CNTNAP5: variants seen among roughly 807,000 people sequenced by gnomAD.
CNTNAP5 encodes contactin associated protein family member 5.
A neutral mutation model predicts 150.2 loss-of-function variants in CNTNAP5; 72 were observed. That is an observed-to-expected ratio of 0.48 (90% confidence interval 0.40 to 0.58). The LOEUF (loss-of-function observed/expected upper bound fraction) is 0.58. Among genes scored for constraint, CNTNAP5 ranks in the 20% least tolerant of loss-of-function variants. CNTNAP5 has a pLI of 0.00. For synonymous variants in CNTNAP5, 672 were observed against 619.8 expected, an observed-to-expected ratio of 1.08 and a Z score of -1.25; for missense variants, 1,636 against 1,626.2, an observed-to-expected ratio of 1.01 and a Z score of -0.10.
At chr2:124,362,994 C>G (rs1222935392) in intron 3 of CNTNAP5, among the ~76,000 whole-genome samples, 1 of 151,962 alleles carries the variant, frequency 6.6e-6, no homozygotes, top group Non-Finnish European at 1.5e-5. Flanking sequence ...CAAGATACAG[C>G]AAAAAAGCAT....
At chr2:124,647,618 C>A (rs574325380) in intron 12 of CNTNAP5, 140 bp from the exon 13 acceptor site, 37 of 690,718 alleles carry the variant, frequency 5.4e-5, no homozygotes, top group East Asian at 2.3e-4. Flanking sequence ...TGGGGAAACA[C>A]AATTTCTCTG....
intron 12 of CNTNAP5, among the ~76,000 whole-genome samples, chr2:124,635,282 A>G (rs1258976418): frequency 2.0e-5 from 3 of 152,172 alleles, no homozygotes; most frequent in Admixed American, 2.0e-4. Flanking sequence ...TTAAACAACC[A>G]GATCCCATGA....
intron 14 of CNTNAP5, among the ~76,000 whole-genome samples, chr2:124,763,205 G>A (rs1184921017): frequency 2.0e-5 from 3 of 152,002 alleles, no homozygotes; most frequent in Non-Finnish European, 2.9e-5. Flanking sequence ...GTTAAAAGGT[G>A]GTTAAAAAAA....
chr2:124,304,605 A>C (rs1478157342), intron 3 of CNTNAP5, among the ~76,000 whole-genome samples: 1 of 152,164 alleles, frequency 6.6e-6, no homozygotes. Flanking sequence ...CCTTTAAAAA[A>C]ATAACATTCT....
At chr2:124,904,765 T>C (rs776894986) in intron 22 of CNTNAP5, among the ~76,000 whole-genome samples, 2 of 151,986 alleles carry the variant, frequency 1.3e-5, no homozygotes, top group Non-Finnish European at 2.9e-5. Flanking sequence ...CCTGAGACTG[T>C]AAACTCCAGG....
chr2:124,673,499 C>T (rs1279766534), intron 13 of CNTNAP5, among the ~76,000 whole-genome samples: 5 of 150,132 alleles, frequency 3.3e-5, no homozygotes, highest in Admixed American at 6.6e-5. Flanking sequence ...AGATAACTTA[C>T]GTTTCTTGAA....
chr2:124,821,851 G>A (rs775432844), intron 19 of CNTNAP5, among the ~76,000 whole-genome samples: 14 of 152,188 alleles, frequency 9.2e-5, no homozygotes, highest in East Asian at 1.9e-4. Flanking sequence ...TGTGTTTTAC[G>A]CAGTCCTCCA....
rs199857989 is a variant in CNTNAP5 at position 124,917,119 on chromosome 2, T to C, written c.*2831T>C. ...AGCATCTTAATCTCTCTTTAACCAT[T>C]TTTTTTTTCTTTTTCCTACCACATT... is the stretch of plus-strand genomic sequence containing the variant. On this transcript the variant is annotated 3_prime_UTR_variant, in exon 24 of 24. Coordinates refer to ENST00000682447, the MANE Select transcript of CNTNAP5 (RefSeq NM_001367498.1). 3.9e-4 allele frequency among the ~76,000 whole-genome samples: 59 copies of C among 151,462 alleles called. No individual in the cohort carries two copies. The East Asian group carries it at 0.011, about 29-fold the overall frequency.
chr2:124,486,982 GT>G (rs1475776192), intron 7 of CNTNAP5, among the ~76,000 whole-genome samples: 1 of 152,116 alleles, frequency 6.6e-6, no homozygotes, highest in Non-Finnish European at 1.5e-5. Context: ...CCTAAAAATT[GT>G]TTTACATAGC....
chr2:124,087,230 A>C (rs1462109874), intron 1 of CNTNAP5, among the ~76,000 whole-genome samples: 2 of 151,874 alleles, frequency 1.3e-5, no homozygotes, highest in African/African-American at 2.4e-5. Context: ...CTCAAGACAA[A>C]AACGAAAGCT....
At chr2:124,334,178 A>G (rs1352525214) in intron 3 of CNTNAP5, among the ~76,000 whole-genome samples, 1 of 152,106 alleles carries the variant, frequency 6.6e-6, no homozygotes, top group East Asian at 1.9e-4. Context: ...CTGGATTGCT[A>G]AAGGCCTATT....
chr2:124,713,231 CTTTCTT>C (rs1440179078), intron 13 of CNTNAP5, among the ~76,000 whole-genome samples: 21 of 37,618 alleles, frequency 5.6e-4, no homozygotes, highest in African/African-American at 1.9e-3. Flanking sequence ...TTCTTTCTTT[CTTTCTT>C]TCTTTCTCTT....
intron 12 of CNTNAP5, among the ~76,000 whole-genome samples, chr2:124,625,874 A>C (rs1558709432): frequency 6.6e-6 from 1 of 152,194 alleles, no homozygotes; most frequent in African/African-American, 2.4e-5. Flanking sequence ...TAGCTAGGCC[A>C]TTTTATTTAT....
chr2:124,891,020 A>G (rs930801731), intron 21 of CNTNAP5, among the ~76,000 whole-genome samples: 2 of 152,150 alleles, frequency 1.3e-5, no homozygotes, highest in African/African-American at 2.4e-5. Flanking sequence ...GGTAGAATCT[A>G]TTGTGGTGTA....
intron 21 of CNTNAP5, among the ~76,000 whole-genome samples, chr2:124,896,368 C>T (rs1346363284): frequency 6.6e-6 from 1 of 151,326 alleles, no homozygotes; most frequent in Admixed American, 6.6e-5. Flanking sequence ...ATTTATTTTA[C>T]TAATATTGGC....
chr2:124,409,128 G>C (rs1418537439), intron 3 of CNTNAP5, among the ~76,000 whole-genome samples: 1 of 145,660 alleles, frequency 6.9e-6, no homozygotes, highest in Admixed American at 7.0e-5. Flanking sequence ...CTGGAAGAAA[G>C]GGTATCAGCA....
intron 12 of CNTNAP5, among the ~76,000 whole-genome samples, chr2:124,619,728 C>A (rs1677568382): frequency 6.6e-6 from 1 of 151,402 alleles, no homozygotes; most frequent in Non-Finnish European, 1.5e-5. Context: ...TGGTCTGGAA[C>A]TGCAGCTACT....
intron 7 of CNTNAP5, among the ~76,000 whole-genome samples, chr2:124,475,466 C>T (rs1003027681): frequency 9.9e-5 from 15 of 152,116 alleles, no homozygotes; most frequent in Middle Eastern, 3.4e-3. Flanking sequence ...GTGCCTTAAA[C>T]GTTGTAGGTG....
At chr2:124,823,496 G>GC (rs1430294686) in intron 19 of CNTNAP5, among the ~76,000 whole-genome samples, 1 of 152,142 alleles carries the variant, frequency 6.6e-6, no homozygotes, top group Non-Finnish European at 1.5e-5. Flanking sequence ...AGGTTGACAA[G>GC]CATCTGTTTA....
Sources: gnomAD v4.1 joint callset for allele counts (sites outside exome capture counted in the v4.1 genomes callset) on GRCh38, gnomAD v4.1.1 for gene constraint, MANE v1.5 for transcripts, NCBI Gene and HGNC (gene_info 2026-07-23, HGNC 2026-07-21) for gene names.